The following DLG2 variants were observed in gnomAD, a reference collection of about 807,000 sequenced individuals.
DLG2 encodes disks large homolog 2.
In DLG2, 45 loss-of-function variants were observed where a neutral mutation model predicts 132.5. The ratio of observed to expected loss-of-function variants is 0.34; its 90% CI spans 0.27 to 0.44. The LOEUF (loss-of-function observed/expected upper bound fraction) is 0.44. Ranked by LOEUF, DLG2 falls within the 20% of genes least tolerant of loss-of-function variation. The probability of loss-of-function intolerance (pLI) is 1.00; values close to 1 mark genes in which losing one functional copy is unlikely to be tolerated. For synonymous variants in DLG2, 424 were observed against 419.6 expected, an observed-to-expected ratio of 1.01 and a Z score of -0.13; for missense variants, 1,045 against 1,196.9, an observed-to-expected ratio of 0.87 and a Z score of 1.87.
intron 18 of DLG2, among the ~76,000 whole-genome samples, chr11:83,689,562 C>T (rs1333578172): frequency 6.6e-6 from 1 of 152,036 alleles, no homozygotes; most frequent in Non-Finnish European, 1.5e-5. Context: ...GGTTCCTCAT[C>T]TATCAAATGA....
At chr11:84,092,638 T>C (rs1052992696) in intron 10 of DLG2, among the ~76,000 whole-genome samples, 2 of 152,180 alleles carry the variant, frequency 1.3e-5, no homozygotes, top group Admixed American at 6.5e-5. Flanking sequence ...TCTCACTTTA[T>C]CTGTGCCTTT....
chr11:85,180,059 A>G (rs1296995451), intron 4 of DLG2, among the ~76,000 whole-genome samples: 1 of 151,944 alleles, frequency 6.6e-6, no homozygotes, highest in African/African-American at 2.4e-5. Flanking sequence ...ATATAGTCAT[A>G]TGATCAAAAG....
chr11:85,072,126 T>C (rs1339941037), intron 6 of DLG2, among the ~76,000 whole-genome samples: 2 of 151,898 alleles, frequency 1.3e-5, no homozygotes, highest in African/African-American at 2.4e-5. Flanking sequence ...ATTGTTACAA[T>C]TGTACCTGCT....
intron 9 of DLG2, among the ~76,000 whole-genome samples, chr11:84,133,658 C>A (rs2094500901): frequency 6.6e-6 from 1 of 151,764 alleles, no homozygotes; most frequent in Non-Finnish European, 1.5e-5. Flanking sequence ...TCTTCTTCTT[C>A]TAAATAGAGA....
chr11:84,826,066 T>A (rs988797965), intron 6 of DLG2, among the ~76,000 whole-genome samples: 1 of 151,886 alleles, frequency 6.6e-6, no homozygotes, highest in Non-Finnish European at 1.5e-5. Flanking sequence ...TTTTTAATTT[T>A]TCTGGGTAGA....
At chr11:84,770,129 A>G (rs187329143) in intron 6 of DLG2, among the ~76,000 whole-genome samples, 2 of 152,176 alleles carry the variant, frequency 1.3e-5, no homozygotes, top group South Asian at 2.1e-4. Context: ...TGGTTGCTTA[A>G]AAGTGTGTAG....
intron 3 of DLG2, among the ~76,000 whole-genome samples, chr11:85,462,299 G>T (rs548618674): frequency 6.6e-6 from 1 of 152,102 alleles, no homozygotes; most frequent in African/African-American, 2.4e-5. Context: ...TCCCATTACT[G>T]GGTATATACC....
intron 6 of DLG2, among the ~76,000 whole-genome samples, chr11:85,054,717 A>G (rs933280094): frequency 3.3e-5 from 5 of 152,218 alleles, no homozygotes; most frequent in African/African-American, 1.2e-4. Flanking sequence ...TTGCAGCAAC[A>G]CGGATGCAGC....
chr11:84,527,935 C>T (rs1342982273), intron 7 of DLG2, among the ~76,000 whole-genome samples: 1 of 145,862 alleles, frequency 6.9e-6, no homozygotes, highest in Non-Finnish European at 1.5e-5. Flanking sequence ...CTCTCTCTCT[C>T]GCTAATAAAT....
At chr11:84,852,736 T>C (rs1212885252) in intron 6 of DLG2, among the ~76,000 whole-genome samples, 1 of 151,648 alleles carries the variant, frequency 6.6e-6, no homozygotes, top group Non-Finnish European at 1.5e-5. Context: ...TAAAATAAAA[T>C]GAAAATACTA....
At chr11:84,766,427 T>C (rs2068425833) in intron 6 of DLG2, among the ~76,000 whole-genome samples, 1 of 152,058 alleles carries the variant, frequency 6.6e-6, no homozygotes, top group African/African-American at 2.4e-5. Flanking sequence ...AGGGATAATA[T>C]TCAAAATTGT....
chr11:85,484,898 C>T (rs571780228), intron 3 of DLG2, among the ~76,000 whole-genome samples: 2 of 152,034 alleles, frequency 1.3e-5, no homozygotes. Context: ...AAGACACATG[C>T]ACACATATGT....
chr11:84,747,380 A>G (rs183807078), intron 6 of DLG2, among the ~76,000 whole-genome samples: 5 of 152,334 alleles, frequency 3.3e-5, no homozygotes, highest in Admixed American at 2.6e-4. Flanking sequence ...TGATGGAACT[A>G]AATTTCAGCT....
intron 6 of DLG2, among the ~76,000 whole-genome samples, chr11:84,717,697 G>C (rs1210349838): frequency 2.0e-5 from 3 of 152,010 alleles, no homozygotes; most frequent in Non-Finnish European, 2.9e-5. Context: ...AATTTATCAA[G>C]AGAACTATCT....
intron 18 of DLG2, among the ~76,000 whole-genome samples, chr11:83,664,816 G>C (rs529699882): frequency 6.6e-6 from 1 of 152,252 alleles, no homozygotes; most frequent in South Asian, 2.1e-4. Context: ...ATTCTGGAAA[G>C]GTCCTCTTCT....
chr11:85,071,245 C>T (rs948836601), intron 6 of DLG2, among the ~76,000 whole-genome samples: 6 of 151,758 alleles, frequency 4.0e-5, no homozygotes, highest in African/African-American at 9.7e-5. Flanking sequence ...CTTAGCGTTA[C>T]GTCCATGGAA....
At chr11:83,930,568 CA>C (rs1185279947) in intron 14 of DLG2, 85 bp from the exon 15 acceptor site, 1 of 1,351,462 alleles carries the variant, frequency 7.4e-7, no homozygotes, top group Admixed American at 2.3e-5. Flanking sequence ...TCAGCATGTG[CA>C]AAAGTAAAAA....
Position 84,387,993 on chromosome 11 carries a change from C to T in DLG2, c.520-136702G>A, listed in dbSNP as rs1437166612. Among the ~76,000 whole-genome samples, 4 of 152,108 alleles carry T rather than the reference C, an allele frequency of 2.6e-5. No homozygotes were observed. The East Asian group carries it at 7.7e-4, about 29-fold the overall frequency. On this transcript the variant is annotated intron_variant, in intron 7 of 27. Coordinates refer to ENST00000376104, the MANE Select transcript of DLG2 (RefSeq NM_001142699.3). ...AACTTTAGTGTGGAGATGATTTCTT[C>T]CAGCAAAAATGTCTCATGTGTTTCT...
chr11:83,983,649 G>A (rs749377595), intron 11 of DLG2, among the ~76,000 whole-genome samples: 50 of 151,884 alleles, frequency 3.3e-4, no homozygotes, highest in Non-Finnish European at 6.6e-4. Flanking sequence ...AATTGATAGG[G>A]CAATTAAAGC....
Sources: allele counts gnomAD v4.1 joint callset (sites outside exome capture counted in the v4.1 genomes callset), GRCh38; gene constraint gnomAD v4.1.1; transcripts MANE v1.5; gene names NCBI Gene and HGNC (gene_info 2026-07-23, HGNC 2026-07-21).